CALHM4: variants seen among roughly 807,000 people sequenced by gnomAD.
The protein encoded by CALHM4 is calcium homeostasis modulator protein 4.
CALHM4 carries 16 observed loss-of-function variants against 13.3 expected under a neutral mutation model. That is an observed-to-expected ratio of 1.20 (90% confidence interval 0.81 to 1.82). The LOEUF (loss-of-function observed/expected upper bound fraction) is 1.82, where lower values mean the gene tolerates loss of function less well. Ranked by LOEUF, CALHM4 falls within the 40% of genes most tolerant of loss-of-function variation. The pLI is 0.00. For missense variants in CALHM4, 344 were observed against 374.9 expected (o/e 0.92, Z 0.68); for synonymous variants, 127 against 137.1 (o/e 0.93, Z 0.52).
chr6:116,541,160 AT>A (rs1478744874), intron 1 of CALHM4, among the ~76,000 whole-genome samples: 7 of 152,122 alleles, frequency 4.6e-5, no homozygotes, highest in Non-Finnish European at 7.4e-5. Flanking sequence ...AGATGTGATT[AT>A]ACACACACTG....
At chr6:116,546,720 C>T (rs1773803120) in intron 2 of CALHM4, among the ~76,000 whole-genome samples, 1 of 152,152 alleles carries the variant, frequency 6.6e-6, no homozygotes, top group Non-Finnish European at 1.5e-5. Flanking sequence ...CCGTAAAACA[C>T]ATTAAAATGC....
chr6:116,557,105 T>A (rs1237504222), intron 1 of CALHM4, among the ~76,000 whole-genome samples: 3 of 151,960 alleles, frequency 2.0e-5, no homozygotes, highest in Non-Finnish European at 2.9e-5. Context: ...GCCCGACTAA[T>A]TTTTGTATTT....
intron 1 of CALHM4, among the ~76,000 whole-genome samples, chr6:116,537,533 C>T (rs1773175199): frequency 1.3e-5 from 2 of 152,112 alleles, no homozygotes; most frequent in South Asian, 4.1e-4. Flanking sequence ...TTCCTATGCT[C>T]TCCATAGAAC....
At chr6:116,556,479 T>C (rs1395398956) in intron 1 of CALHM4, among the ~76,000 whole-genome samples, 3 of 152,242 alleles carry the variant, frequency 2.0e-5, no homozygotes, top group Non-Finnish European at 4.4e-5. Context: ...TCCGCCATGC[T>C]GGCCTCTGTT....
chr6:116,548,562 A>G (rs985460604), intron 2 of CALHM4, among the ~76,000 whole-genome samples: 1 of 152,178 alleles, frequency 6.6e-6, no homozygotes. Flanking sequence ...TAATCAATCT[A>G]TGCTCCATCC....
chr6:116,552,107 T>C (rs1774105819), upstream of CALHM4, among the ~76,000 whole-genome samples: 1 of 152,208 alleles, frequency 6.6e-6, no homozygotes, highest in Non-Finnish European at 1.5e-5. Context: ...AATGAGGTTC[T>C]GTGGATGGTA....
At chr6:116,551,020 C>G (rs1051119780), upstream of CALHM4, among the ~76,000 whole-genome samples, 7 of 152,166 alleles carry the variant, frequency 4.6e-5, no homozygotes, top group African/African-American at 1.7e-4. Context: ...CTCTGTGCCC[C>G]AAGGCCAATC....
chr6:116,544,151 A>AAGAGAGAGAGAGAGAGAGAG (rs141606346), intron 2 of CALHM4, among the ~76,000 whole-genome samples: 291 of 132,914 alleles, frequency 2.2e-3, no homozygotes, highest in Middle Eastern at 4.3e-3. Context: ...AAAGGTGAAG[A>AAGAGAGAGAGAGAGAGAGAG]AGAGAGAGAG....
rs544102215 is a variant in CALHM4 at position 116,543,709 on chromosome 6, C to T, written c.-108-56C>T. 383 of 982,888 alleles carry T rather than the reference C, an allele frequency of 3.9e-4. 3 individuals are homozygous for T. Among genetic ancestry groups the T allele is most frequent in the Middle Eastern group, 6.1e-4 (3 of 4,902 alleles). 60.9% of individuals were successfully genotyped at this position (982,888 alleles called of 1,614,324 possible). The stretch of plus-strand genomic sequence containing the variant: ...CATGGAGGACAGTTTTTTAAAAATA[C>T]TAATTTCTAACATAAATTTCTGTTT... On this transcript the variant is annotated intron_variant, in intron 1 of 2. Transcript: ENST00000368597.
chr6:116,550,720 G>A (rs899941213), upstream of CALHM4, among the ~76,000 whole-genome samples: 34 of 151,616 alleles, frequency 2.2e-4, no homozygotes, highest in African/African-American at 7.5e-4. Flanking sequence ...TTATCTATGC[G>A]TTGGATTTCT....
upstream of CALHM4, among the ~76,000 whole-genome samples, chr6:116,549,832 T>C (rs1737208308): frequency 6.6e-6 from 1 of 150,734 alleles, no homozygotes; most frequent in South Asian, 2.1e-4. Context: ...AAAATTTAGC[T>C]GGGCATGGTG....
chr6:116,546,693 CAA>C (rs1318874791), intron 2 of CALHM4, among the ~76,000 whole-genome samples: 2 of 152,040 alleles, frequency 1.3e-5, no homozygotes, highest in Non-Finnish European at 2.9e-5. Context: ...TTGTGAGAAC[CAA>C]AGAGACGAGG....
intron 2 of CALHM4, among the ~76,000 whole-genome samples, chr6:116,546,030 C>T (rs571431473): frequency 6.6e-6 from 1 of 152,228 alleles, no homozygotes; most frequent in African/African-American, 2.4e-5. Flanking sequence ...AAACGTGATC[C>T]CTCAACTACA....
At chr6:116,550,999 G>T (rs934087228), upstream of CALHM4, among the ~76,000 whole-genome samples, 2 of 152,088 alleles carry the variant, frequency 1.3e-5, no homozygotes, top group Non-Finnish European at 1.5e-5. Context: ...TCGCGGGCAC[G>T]TAGGGCTAAC....
intron 1 of CALHM4, among the ~76,000 whole-genome samples, chr6:116,540,979 C>A (rs757214324): frequency 6.6e-6 from 1 of 152,006 alleles, no homozygotes; most frequent in African/African-American, 2.4e-5. Flanking sequence ...GTGAGAGTTT[C>A]GGCATCTTCA....
chr6:116,544,827 C>T (rs561007827), intron 2 of CALHM4, among the ~76,000 whole-genome samples: 1 of 152,166 alleles, frequency 6.6e-6, no homozygotes, highest in Non-Finnish European at 1.5e-5. Context: ...AAATGCCCAT[C>T]AGTCTCCTGA....
chr6:116,550,119 C>T (rs922839157), upstream of CALHM4, among the ~76,000 whole-genome samples: 1 of 151,008 alleles, frequency 6.6e-6, no homozygotes, highest in Admixed American at 6.6e-5. Context: ...GTTATACAAT[C>T]ACAGACTACA....
intron 2 of CALHM4, among the ~76,000 whole-genome samples, chr6:116,544,099 C>T (rs927611105): frequency 2.7e-5 from 4 of 145,970 alleles, no homozygotes; most frequent in African/African-American, 1.0e-4. Context: ...CAGCAGAAGA[C>T]AAAGTGCTGC....
Position 116,558,404 on chromosome 6 carries a change from G to A in CALHM4, c.*193G>A, listed in dbSNP as rs149872631. On this transcript the variant is annotated 3_prime_UTR_variant, in exon 2 of 2. Coordinates refer to ENST00000368596, the MANE Select transcript of CALHM4 (RefSeq NM_001366078.2). Reference sequence around the variant, plus strand: ...TGCCAATCTCTCATTTTGAAATTTTGCCAATGGTCTGGTAATGCCTAGAGT... The same window carrying A: ...TGCCAATCTCTCATTTTGAAATTTTACCAATGGTCTGGTAATGCCTAGAGT... 1.3e-3 allele frequency: 891 copies of A among 682,120 alleles called. 8 individuals carry two copies. The African/African-American group carries it at 0.014, about 11-fold the overall frequency. 42.3% of individuals were successfully genotyped at this position (682,120 alleles called of 1,614,324 possible).
Sources: allele counts gnomAD v4.1 joint callset (sites outside exome capture counted in the v4.1 genomes callset), GRCh38; gene constraint gnomAD v4.1.1; transcripts MANE v1.5; gene names NCBI Gene and HGNC (gene_info 2026-07-23, HGNC 2026-07-21).